The following NRG3 variants were observed in gnomAD, a reference collection of about 807,000 sequenced individuals.
NRG3 encodes the protein pro-neuregulin-3, membrane-bound isoform.
NRG3 carries 31 observed loss-of-function variants against 66.9 expected under a neutral mutation model. The observed-to-expected ratio is 0.46, with a 90% CI of 0.35 to 0.63. The LOEUF is 0.63. Among genes scored for constraint, NRG3 ranks in the 20% least tolerant of loss-of-function variants. NRG3 has a pLI of 0.00. For synonymous variants in NRG3, 393 were observed against 359.4 expected (o/e 1.09, Z -1.06); for missense variants, 910 against 878.9 (o/e 1.04, Z -0.45).
intron 1 of NRG3, among the ~76,000 whole-genome samples, chr10:81,991,431 G>A (rs1169907580): frequency 6.6e-6 from 1 of 152,102 alleles, no homozygotes; most frequent in Non-Finnish European, 1.5e-5. Flanking sequence ...GAATCTGGTG[G>A]TTTTACAGGG....
chr10:82,564,458 G>T (rs926839088), intron 2 of NRG3, among the ~76,000 whole-genome samples: 2 of 152,024 alleles, frequency 1.3e-5, no homozygotes, highest in African/African-American at 4.8e-5. Flanking sequence ...AGAAGGTGAG[G>T]GGCCTGGGAG....
chr10:82,111,814 G>C (rs1045465960), intron 1 of NRG3, among the ~76,000 whole-genome samples: 1 of 152,140 alleles, frequency 6.6e-6, no homozygotes, highest in African/African-American at 2.4e-5. Context: ...TGACTAATTT[G>C]CAATGAATTT....
At chr10:82,493,891 T>G (rs148578062) in intron 2 of NRG3, among the ~76,000 whole-genome samples, 210 of 152,024 alleles carry the variant, frequency 1.4e-3, no homozygotes, top group African/African-American at 4.9e-3. Flanking sequence ...GAACTTAAAC[T>G]TACAACAAAA....
At chr10:82,204,401 T>C (rs2075010420) in intron 1 of NRG3, among the ~76,000 whole-genome samples, 1 of 152,206 alleles carries the variant, frequency 6.6e-6, no homozygotes, top group Non-Finnish European at 1.5e-5. Context: ...ATCAGTGGGC[T>C]CCTTTGCCCT....
intron 2 of NRG3, among the ~76,000 whole-genome samples, chr10:82,529,289 A>G (rs1847030053): frequency 1.3e-5 from 2 of 152,362 alleles, no homozygotes; most frequent in South Asian, 4.1e-4. Context: ...TTGGTGTACC[A>G]GCCAGTTCTA....
chr10:82,292,761 G>A (rs975529841), intron 1 of NRG3, among the ~76,000 whole-genome samples: 2 of 152,086 alleles, frequency 1.3e-5, no homozygotes. Flanking sequence ...ATACTTCATG[G>A]CACCATTTAT....
chr10:82,706,082 C>A (rs903728754), intron 2 of NRG3, among the ~76,000 whole-genome samples: 1 of 152,078 alleles, frequency 6.6e-6, no homozygotes, highest in African/African-American at 2.4e-5. Context: ...CCTGATCAAC[C>A]ACCCACTCCC....
chr10:82,214,512 C>T (rs12246695), intron 1 of NRG3, among the ~76,000 whole-genome samples: 12,832 of 152,170 alleles, frequency 0.084, 596 homozygotes, highest in African/African-American at 0.11. Context: ...TCATTTAGGC[C>T]GGAATGCAGT....
At chr10:82,048,088 G>A (rs1332466854) in intron 1 of NRG3, among the ~76,000 whole-genome samples, 1 of 151,462 alleles carries the variant, frequency 6.6e-6, no homozygotes, top group Non-Finnish European at 1.5e-5. Flanking sequence ...GGAGCACCCA[G>A]TTTCATAAAG....
Position 82,413,772 on chromosome 10 carries a change from T to C in NRG3, c.953+54904T>C, listed in dbSNP as rs551091449. Among the ~76,000 whole-genome samples, 172 of 152,262 alleles carry C rather than the reference T, an allele frequency of 1.1e-3. 1 individual carries two copies. Among genetic ancestry groups the C allele is most frequent in the African/African-American group, 3.8e-3 (157 of 41,580 alleles). ...CTACATCAACATTTGCTGTTTCACA[T>C]GTACTTTTATTTTATGGAGATGGCT... On this transcript the variant is annotated intron_variant, in intron 2 of 8. Coordinates refer to ENST00000372141, the MANE Select transcript of NRG3 (RefSeq NM_001010848.4).
chr10:81,932,778 A>T (rs565959035), intron 1 of NRG3, among the ~76,000 whole-genome samples: 1 of 152,266 alleles, frequency 6.6e-6, no homozygotes, highest in East Asian at 1.9e-4. Context: ...GTCACCGTCC[A>T]AAGGGTCATG....
intron 6 of NRG3, among the ~76,000 whole-genome samples, chr10:82,961,990 A>C (rs1462842393): frequency 6.6e-6 from 1 of 152,226 alleles, no homozygotes; most frequent in Non-Finnish European, 1.5e-5. Context: ...GTGTTTAACA[A>C]ATGAATTGTC....
intron 2 of NRG3, among the ~76,000 whole-genome samples, chr10:82,689,491 C>G (rs1055871552): frequency 1.3e-5 from 2 of 152,146 alleles, no homozygotes; most frequent in Admixed American, 1.3e-4. Flanking sequence ...TCACAGTCTG[C>G]TAGATGCCCA....
intron 1 of NRG3, among the ~76,000 whole-genome samples, chr10:82,167,763 C>G (rs752084277): frequency 2.0e-5 from 3 of 151,864 alleles, no homozygotes; most frequent in African/African-American, 4.8e-5. Context: ...CTTTTTAATA[C>G]GTGATTGTTT....
At chr10:82,955,623 A>G (rs1849967777) in intron 5 of NRG3, among the ~76,000 whole-genome samples, 1 of 151,848 alleles carries the variant, frequency 6.6e-6, no homozygotes, top group Non-Finnish European at 1.5e-5. Context: ...AAATGGGAAA[A>G]AAGAGGAGGA....
chr10:82,952,153 G>A (rs766490361), intron 5 of NRG3, among the ~76,000 whole-genome samples: 2 of 152,112 alleles, frequency 1.3e-5, no homozygotes, highest in Non-Finnish European at 2.9e-5. Context: ...ATAGATGTAG[G>A]CCAGGTGCAG....
chr10:81,969,737 A>G (rs181855621), intron 1 of NRG3, among the ~76,000 whole-genome samples: 7 of 152,076 alleles, frequency 4.6e-5, no homozygotes, highest in Admixed American at 4.6e-4. Context: ...CAACTTAATA[A>G]TACCTGCTGA....
intron 3 of NRG3, among the ~76,000 whole-genome samples, chr10:82,830,563 A>T (rs969379589): frequency 2.7e-4 from 41 of 151,750 alleles, no homozygotes; most frequent in African/African-American, 9.9e-4. Flanking sequence ...TACATGTTCA[A>T]TGGATAGTCT....
intron 1 of NRG3, among the ~76,000 whole-genome samples, chr10:82,107,663 A>G (rs1273842328): frequency 6.6e-6 from 1 of 152,218 alleles, no homozygotes; most frequent in African/African-American, 2.4e-5. Context: ...AAACTGTATG[A>G]TCATTACACT....
Sources: gnomAD v4.1 joint callset for allele counts (sites outside exome capture counted in the v4.1 genomes callset) on GRCh38, gnomAD v4.1.1 for gene constraint, MANE v1.5 for transcripts, NCBI Gene and HGNC (gene_info 2026-07-23, HGNC 2026-07-21) for gene names.